The following APOLD1 variants were observed in gnomAD, a reference collection of about 807,000 sequenced individuals.
APOLD1 encodes the protein apolipoprotein L domain containing 1.
A neutral mutation model predicts 15.3 loss-of-function variants in APOLD1; 22 were observed. The ratio of observed to expected loss-of-function variants is 1.44; its 90% CI spans 1.03 to 2.05. The LOEUF (loss-of-function observed/expected upper bound fraction) is 2.05, where lower values mean the gene tolerates loss of function less well. Ranked by LOEUF, APOLD1 falls within the 30% of genes most tolerant of loss-of-function variation. APOLD1 has a pLI of 0.00. For missense variants in APOLD1, 394 were observed against 353.5 expected, an observed-to-expected ratio of 1.11 and a Z score of -0.92; for synonymous variants, 190 against 167.4, an observed-to-expected ratio of 1.13 and a Z score of -1.04.
chr12:12,757,401 C>A (rs1427245380), intron 1 of APOLD1, among the ~76,000 whole-genome samples: 1 of 152,204 alleles, frequency 6.6e-6, no homozygotes, highest in Non-Finnish European at 1.5e-5. Context: ...GGACAGCAGG[C>A]TCAGGGCTCA....
Position 12,761,828 on chromosome 12 carries a change from T to TAGAGAGAGAGAG in APOLD1, c.97-25080_97-25079insGAGAGAGAGAGA, listed in dbSNP as rs1335110034. 1.1e-3 allele frequency among the ~76,000 whole-genome samples: 22 copies of TAGAGAGAGAGAG among 20,694 alleles called. 1 individual carries two copies. In the East Asian group the frequency reaches 0.015, roughly 14 times the overall value. 13.6% of individuals were successfully genotyped at this position (20,694 alleles called of 152,430 possible). ...ATGAACATATACATATATGTATATG[T>TAGAGAGAGAGAG]ATAGAGAGAGAGAGAGAGAGAGAGA... On this transcript the variant is annotated intron_variant, in intron 1 of 1. Coordinates refer to the APOLD1 transcript ENST00000326765.
At chr12:12,778,591 G>A (rs974517060) in intron 1 of APOLD1, among the ~76,000 whole-genome samples, 3 of 151,858 alleles carry the variant, frequency 2.0e-5, no homozygotes, top group African/African-American at 7.3e-5. Flanking sequence ...GCCCCCCAAA[G>A]TGCTGGGATT....
intron 1 of APOLD1, among the ~76,000 whole-genome samples, chr12:12,753,734 C>T (rs551884911): frequency 1.3e-5 from 2 of 151,760 alleles, no homozygotes; most frequent in East Asian, 3.9e-4. Context: ...TTAAATAATT[C>T]GAAGAATTAT....
intron 1 of APOLD1, among the ~76,000 whole-genome samples, chr12:12,774,570 A>T (rs1188763938): frequency 1.7e-5 from 2 of 115,468 alleles, no homozygotes; most frequent in Non-Finnish European, 4.0e-5. Flanking sequence ...AAAAAAAAAA[A>T]AAAAGAAAGA....
intron 1 of APOLD1, chr12:12,726,176 A>AAAAAAAAAAC (rs1946591796): frequency 1.1e-6 from 1 of 941,250 alleles, no homozygotes; most frequent in Non-Finnish European, 1.5e-6. Flanking sequence ...AAAAAAAAAA[A>AAAAAAAAAAC]AAAAGAGGAA....
exon 1 of APOLD1, chr12:12,725,992 C>G (rs1396492167): frequency 1.3e-6 from 2 of 1,498,266 alleles, no homozygotes; most frequent in East Asian, 5.1e-5. Flanking sequence ...TAACCCAACT[C>G]GTTCACGGAT....
intron 1 of APOLD1, among the ~76,000 whole-genome samples, chr12:12,760,368 T>C (rs1184652558): frequency 6.7e-6 from 1 of 149,932 alleles, no homozygotes; most frequent in Non-Finnish European, 1.5e-5. Flanking sequence ...CCGGGTGCAG[T>C]GGCTCACGCC....
upstream of APOLD1, among the ~76,000 whole-genome samples, chr12:12,781,363 G>C (rs965699521): frequency 9.2e-5 from 14 of 152,078 alleles, no homozygotes; most frequent in Non-Finnish European, 1.8e-4. Flanking sequence ...AGAATTGCTT[G>C]AACCTGGGAG....
At chr12:12,752,565 G>T (rs1002275342) in intron 1 of APOLD1, among the ~76,000 whole-genome samples, 1 of 152,046 alleles carries the variant, frequency 6.6e-6, no homozygotes, top group Admixed American at 6.6e-5. Context: ...GAACAAAAAT[G>T]ATACAATCTC....
intron 1 of APOLD1, among the ~76,000 whole-genome samples, chr12:12,779,825 T>C (rs1348657344): frequency 6.6e-6 from 1 of 152,204 alleles, no homozygotes; most frequent in Admixed American, 6.5e-5. Flanking sequence ...CACAGGCTAG[T>C]GTTTAAACAC....
rs17393191 is a variant in APOLD1 at position 12,789,330 on chromosome 12, A to G, written c.*1678A>G. 1 of 152,130 alleles carries G rather than the reference A, an allele frequency of 6.6e-6. No individual in the cohort carries two copies. The highest frequency in any genetic ancestry group is 1.5e-5 in the Non-Finnish European group (1 of 68,030). The allele number at this position is 152,130 out of a possible 1,614,324, so 9.4% of individuals were successfully genotyped here. On this transcript the variant is annotated 3_prime_UTR_variant, in exon 2 of 2. Transcript: ENST00000356591. ...GGAGATTCTTTTTCTCTAGTGTTTT[A>G]AGTGATCCTTTGAAGTAAGTGTGGA... is the stretch of plus-strand genomic sequence containing the variant.
intron 1 of APOLD1, among the ~76,000 whole-genome samples, chr12:12,740,543 T>C (rs1427226766): frequency 6.6e-6 from 1 of 152,244 alleles, no homozygotes; most frequent in Admixed American, 6.5e-5. Context: ...CCCCAGTAGT[T>C]GACTGTCTTC....
exon 1 of APOLD1, chr12:12,725,992 C>A: frequency 6.7e-7 from 1 of 1,498,386 alleles, no homozygotes; most frequent in Non-Finnish European, 8.9e-7. Flanking sequence ...TAACCCAACT[C>A]GTTCACGGAT....
intron 1 of APOLD1, among the ~76,000 whole-genome samples, chr12:12,731,660 A>G (rs1946642740): frequency 6.6e-6 from 1 of 152,256 alleles, no homozygotes; most frequent in African/African-American, 2.4e-5. Context: ...AAGGCTTTTA[A>G]TAAATGAAAA....
rs532916799 is a variant in APOLD1 at position 12,727,612 on chromosome 12, A to AT, written c.96+1524dup. Among the ~76,000 whole-genome samples the AT allele has an allele frequency of 7.3e-5, 11 of 151,508 alleles. No individual in the cohort carries two copies. In the South Asian group the frequency reaches 1.5e-3, roughly 20 times the overall value. On this transcript the variant is annotated intron_variant, in intron 1 of 1. Transcript: ENST00000326765. The stretch of plus-strand genomic sequence containing the variant: ...TATTTATTTATTTATTCTTCTTCTT[A>AT]TTTTTTTTAAAAGATAGAGTCTCCC...
chr12:12,786,359 C>T (rs1947124298), intron 1 of APOLD1, among the ~76,000 whole-genome samples: 1 of 152,074 alleles, frequency 6.6e-6, no homozygotes, highest in Admixed American at 6.6e-5. Flanking sequence ...TTGCTTCAGG[C>T]AAGCATCTAA....
intron 1 of APOLD1, among the ~76,000 whole-genome samples, chr12:12,745,487 G>T (rs978002533): frequency 6.6e-6 from 1 of 152,072 alleles, no homozygotes; most frequent in Admixed American, 6.5e-5. Context: ...CCAATATCGT[G>T]CCACTGCGCT....
At chr12:12,762,372 G>A (rs767339842) in intron 1 of APOLD1, among the ~76,000 whole-genome samples, 3 of 151,482 alleles carry the variant, frequency 2.0e-5, no homozygotes, top group Non-Finnish European at 3.0e-5. Flanking sequence ...ATTTTTTTCC[G>A]AGATGGAGTC....
Position 12,789,569 on chromosome 12 carries a change from A to T in APOLD1, c.*1917A>T, listed in dbSNP as rs1947165416. On this transcript the variant is annotated 3_prime_UTR_variant, in exon 2 of 2. Transcript: ENST00000356591. The stretch of plus-strand genomic sequence containing the variant: ...GAACTTGCAAGCCTGATGTCCTATC[A>T]AGTTATGTCTTCTGGGTGACAGACA... The T allele has an allele frequency of 6.6e-6, 1 of 152,262 alleles. No homozygotes were observed. The highest frequency in any genetic ancestry group is 1.5e-5 in the Non-Finnish European group (1 of 68,044). The allele number at this position is 152,262 out of a possible 1,614,324, so 9.4% of individuals were successfully genotyped here.
Sources: gnomAD v4.1 joint callset for allele counts (sites outside exome capture counted in the v4.1 genomes callset) on GRCh38, gnomAD v4.1.1 for gene constraint, MANE v1.5 for transcripts, NCBI Gene and HGNC (gene_info 2026-07-23, HGNC 2026-07-21) for gene names.